Variants in GPATCH2L observed in about 807,000 individuals in gnomAD.
The protein encoded by GPATCH2L is G-patch domain containing 2 like, also known as G patch domain-containing protein 2-like.
Under a neutral mutation model 57.4 loss-of-function variants are expected in GPATCH2L, and 31 were observed. The observed-to-expected ratio is 0.54, with a 90% confidence interval of 0.41 to 0.73. GPATCH2L has a LOEUF of 0.73. GPATCH2L is among the 30% of genes least tolerant of loss of function. The pLI is 0.00. For missense variants in GPATCH2L, 481 were observed against 599.9 expected, an observed-to-expected ratio of 0.80 and a Z score of 2.07; for synonymous variants, 199 against 210.7, an observed-to-expected ratio of 0.94 and a Z score of 0.48.
chr14:76,231,536 G>A (rs1182360414), intron 2 of GPATCH2L, among the ~76,000 whole-genome samples: 2 of 151,582 alleles, frequency 1.3e-5, no homozygotes, highest in East Asian at 1.9e-4. Context: ...CCAGATTTGA[G>A]GTTTTGAGGA....
chr14:76,176,379 G>A (rs2039329524), intron 5 of GPATCH2L: 1 of 544,098 alleles, frequency 1.8e-6, no homozygotes, highest in African/African-American at 1.9e-5. Flanking sequence ...GGTGAACAGT[G>A]TCTATGATGT....
rs144654903 is a variant in GPATCH2L, at chr14:76,182,441, T to C, written c.1193+1592T>C. On this transcript the variant is annotated intron_variant, in intron 8 of 9. Coordinates refer to ENST00000261530, the MANE Select transcript of GPATCH2L (RefSeq NM_017926.4). ...ACAAAATTTTTTTTTTTTAAATCATTTGTGTCTGGTGATGTACACCTGTAG... is the reference window on the plus strand; with the variant it reads ...ACAAAATTTTTTTTTTTTAAATCATCTGTGTCTGGTGATGTACACCTGTAG... Among the ~76,000 whole-genome samples the C allele has an allele frequency of 8.3e-4, 123 of 149,046 alleles. 1 individual carries two copies. The highest frequency in any genetic ancestry group is 2.8e-3 in the African/African-American group (113 of 40,678).
intron 2 of GPATCH2L, among the ~76,000 whole-genome samples, chr14:76,231,213 C>A (rs186833369): frequency 3.5e-4 from 54 of 152,290 alleles, no homozygotes; most frequent in African/African-American, 1.3e-3. Flanking sequence ...CTCCTTGCCT[C>A]CCTCAAGGAA....
In GPATCH2L at chr14:76,166,714, T is replaced by G; in HGVS notation, c.714T>G (p.Asp238Glu). The change falls in exon 3 of 10, where the codon GAT (aspartate) becomes GAG (glutamate). Residue 238 changes from aspartate (D) to glutamate (E), a missense_variant. By Grantham distance (45) the Asp-to-Glu change is conservative (BLOSUM62 2). Around this residue, in one of 3 missense-constraint regions of GPATCH2L, gnomAD observed 25 missense variants for 56.9 expected, o/e 0.44. Coordinates refer to ENST00000261530, the MANE Select transcript of GPATCH2L (RefSeq NM_017926.4). ...SSSDTGLFTN[D>E]EGRQGDDEQS... ...GTGACACTGGGCTCTTTACCAATGA[T>G]GAAGGGCGACAAGGTAATGTCGATC... 1 of 1,606,862 alleles carries G rather than the reference T, an allele frequency of 6.2e-7. No individual in the cohort carries two copies. The highest frequency in any genetic ancestry group is 8.5e-7 in the Non-Finnish European group (1 of 1,173,424).
intron 2 of GPATCH2L, among the ~76,000 whole-genome samples, chr14:76,165,299 C>T (rs1030738755): frequency 2.0e-4 from 31 of 151,942 alleles, no homozygotes; most frequent in African/African-American, 7.3e-4. Context: ...CGAGACCAGC[C>T]TGACCAACAT....
chr14:76,201,547 T>A (rs1183948798), intron 9 of GPATCH2L, 144 bp from the exon 10 acceptor site: 1 of 477,958 alleles, frequency 2.1e-6, no homozygotes, highest in Non-Finnish European at 3.7e-6. Flanking sequence ...AAGAAAGAGA[T>A]ACCTTACGTG....
chr14:76,166,627 G>T (rs1208929535), intron 2 of GPATCH2L, 36 bp from the exon 3 acceptor site: 1 of 1,449,736 alleles, frequency 6.9e-7, no homozygotes, highest in Non-Finnish European at 9.7e-7. Flanking sequence ...TTTGACTGGA[G>T]CTGATGAGTT....
At chr14:76,195,598 G>A (rs1356513952) in intron 8 of GPATCH2L, among the ~76,000 whole-genome samples, 1 of 152,074 alleles carries the variant, frequency 6.6e-6, no homozygotes, top group Non-Finnish European at 1.5e-5. Flanking sequence ...AAAAATAATT[G>A]TATAAAAATA....
At chr14:76,190,898 C>G (rs1321264241) in intron 8 of GPATCH2L, among the ~76,000 whole-genome samples, 2 of 152,138 alleles carry the variant, frequency 1.3e-5, no homozygotes, top group East Asian at 1.9e-4. Flanking sequence ...ATTTGCCACT[C>G]CAGTTGAGAA....
At chr14:76,189,786 G>A (rs1194060412) in intron 8 of GPATCH2L, among the ~76,000 whole-genome samples, 1 of 152,086 alleles carries the variant, frequency 6.6e-6, no homozygotes, top group Non-Finnish European at 1.5e-5. Context: ...CCATATCTTA[G>A]AAGAGAGGCC....
chr14:76,215,343 TG>T (rs1476323140), downstream of GPATCH2L, among the ~76,000 whole-genome samples: 2 of 152,100 alleles, frequency 1.3e-5, no homozygotes, highest in African/African-American at 4.8e-5. Context: ...TCAACCATTA[TG>T]GAAGTCAGTG....
rs2040323378 is a variant in GPATCH2L, at chr14:76,202,294, G to A, written c.*443G>A. 1 of 153,618 alleles carries A rather than the reference G, an allele frequency of 6.5e-6. No individual in the cohort carries two copies. The highest frequency in any genetic ancestry group is 6.5e-5 in the Admixed American group (1 of 15,360). The allele number at this position is 153,618 out of a possible 1,614,324, so 9.5% of individuals were successfully genotyped here. ...TTAAATATTGAGTTGAGACCTGTAT[G>A]GAATTGTGTTCGCAGGAGATAAGGC... On this transcript the variant is annotated 3_prime_UTR_variant, in exon 10 of 10. Coordinates refer to ENST00000261530, the MANE Select transcript of GPATCH2L (RefSeq NM_017926.4).
intron 2 of GPATCH2L, among the ~76,000 whole-genome samples, chr14:76,160,968 G>A (rs1284545247): frequency 6.6e-6 from 1 of 152,188 alleles, no homozygotes; most frequent in Admixed American, 6.5e-5. Flanking sequence ...ACCTGCGGAG[G>A]TTGCTGCCTT....
downstream of GPATCH2L, among the ~76,000 whole-genome samples, chr14:76,216,308 T>C (rs778760645): frequency 6.6e-6 from 1 of 152,166 alleles, no homozygotes; most frequent in Non-Finnish European, 1.5e-5. Context: ...AAATTTATGC[T>C]ACTTGTATGT....
chr14:76,200,067 C>T (rs915318523), intron 9 of GPATCH2L, among the ~76,000 whole-genome samples: 1 of 152,118 alleles, frequency 6.6e-6, no homozygotes, highest in Admixed American at 6.6e-5. Flanking sequence ...ATAAGTTAGA[C>T]ACAAAAGGAG....
chr14:76,186,639 A>C lies in GPATCH2L; in HGVS notation c.1193+5790A>C, dbSNP rs935216712. Among the ~76,000 whole-genome samples the C allele has an allele frequency of 3.9e-5, 6 of 152,320 alleles. No individual in the cohort carries two copies. In the South Asian group the frequency reaches 1.2e-3, roughly 32 times the overall value. On this transcript the variant is annotated intron_variant, in intron 8 of 9. Coordinates refer to ENST00000261530, the MANE Select transcript of GPATCH2L (RefSeq NM_017926.4). ...CTATAAGGCTGCCCAAGCCTATTGG[A>C]ATTGCCCATTGTATAGTACACAGTT...
rs568413313 is a variant in GPATCH2L, at chr14:76,165,363, G to A, written c.663-1300G>A. On this transcript the variant is annotated intron_variant, in intron 2 of 9. Transcript: ENST00000261530. ...AAAAATTAGCTGGGTGTGGTGGTGC[G>A]CGCCTGTAATCCCAGCTACTTGGGA... is the stretch of plus-strand genomic sequence containing the variant. Among the ~76,000 whole-genome samples the A allele has an allele frequency of 2.1e-4, 32 of 151,772 alleles. No homozygotes were observed. In the East Asian group the frequency reaches 3.7e-3, roughly 17 times the overall value.
intron 6 of GPATCH2L, 46 bp from the exon 7 acceptor site, chr14:76,177,942 T>A (rs1236799257): frequency 1.9e-6 from 3 of 1,602,374 alleles, no homozygotes; most frequent in Non-Finnish European, 2.6e-6. Flanking sequence ...GTAAGATCAT[T>A]TTTCTTTGTC....
intron 8 of GPATCH2L, among the ~76,000 whole-genome samples, chr14:76,188,712 T>C (rs1272593245): frequency 1.3e-5 from 2 of 152,078 alleles, no homozygotes; most frequent in African/African-American, 4.8e-5. Context: ...TAACTCAATG[T>C]GATCCCATTT....
Sources: allele counts gnomAD v4.1 joint callset (sites outside exome capture counted in the v4.1 genomes callset), GRCh38; gene constraint gnomAD v4.1.1; regional missense constraint gnomAD v4.1.1; transcripts MANE v1.5; gene names NCBI Gene and HGNC (gene_info 2026-07-23, HGNC 2026-07-21).